The following CYRIB variants were observed in gnomAD, a reference collection of about 807,000 sequenced individuals.
CYRIB encodes CYFIP-related Rac1 interactor B.
CYRIB carries 8 observed loss-of-function variants against 44.2 expected under a neutral mutation model. The observed-to-expected ratio is 0.18, with a 90% CI of 0.11 to 0.33. The LOEUF is 0.33. Ranked by LOEUF, CYRIB falls within the 10% of genes least tolerant of loss-of-function variation. CYRIB has a pLI of 1.00. For synonymous variants in CYRIB, 131 were observed against 127.2 expected (o/e 1.03, Z -0.20); for missense variants, 185 against 382.8 (o/e 0.48, Z 4.31).
intron 1 of CYRIB, among the ~76,000 whole-genome samples, chr8:129,977,944 T>C (rs2096026305): frequency 6.6e-6 from 1 of 152,224 alleles, no homozygotes; most frequent in African/African-American, 2.4e-5. Context: ...AATCTTGCTC[T>C]GTCACCTAGG....
At chr8:129,873,878 CA>C (rs2058230004) in intron 3 of CYRIB, among the ~76,000 whole-genome samples, 1 of 151,920 alleles carries the variant, frequency 6.6e-6, no homozygotes, top group African/African-American at 2.4e-5. Context: ...CCCAGCACCA[CA>C]ATGATTAAAC....
intron 1 of CYRIB, among the ~76,000 whole-genome samples, chr8:129,915,640 C>T (rs2080355656): frequency 6.6e-6 from 1 of 152,108 alleles, no homozygotes; most frequent in South Asian, 2.1e-4. Context: ...GTGATGGTTT[C>T]ATAGGTGATT....
intron 1 of CYRIB, among the ~76,000 whole-genome samples, chr8:130,006,359 T>C (rs2097062710): frequency 6.6e-6 from 1 of 150,756 alleles, no homozygotes; most frequent in East Asian, 2.0e-4. Context: ...TGTGCACCTA[T>C]AGTCCCATCT....
intron 1 of CYRIB, among the ~76,000 whole-genome samples, chr8:129,993,696 CAAA>C (rs901947850): frequency 7.7e-6 from 1 of 129,614 alleles, no homozygotes. Context: ...AACTCTCTCT[CAAA>C]AAAAAAAAAA....
intron 2 of CYRIB, among the ~76,000 whole-genome samples, chr8:129,948,135 G>A (rs982814318): frequency 2.6e-5 from 4 of 152,222 alleles, no homozygotes; most frequent in Non-Finnish European, 5.9e-5. Flanking sequence ...TTTGCAGCCG[G>A]AAAAGCTGAT....
chr8:129,954,309 G>A lies in CYRIB; in HGVS notation c.-243+16634C>T, dbSNP rs1167024305. ...ATCATCTTAGCTCACTGCAACTTCC[G>A]CTTCCCAGGTTCAAGCGATTCTCCT... On this transcript the variant is annotated intron_variant, in intron 2 of 14. Transcript: ENST00000401979. Among the ~76,000 whole-genome samples, 8 of 152,050 alleles carry A rather than the reference G, an allele frequency of 5.3e-5. No individual in the cohort carries two copies. The Middle Eastern group carries it at 0.01, about 194-fold the overall frequency.
chr8:129,926,140 G>A (rs562455703), intron 1 of CYRIB, among the ~76,000 whole-genome samples: 1 of 152,222 alleles, frequency 6.6e-6, no homozygotes, highest in African/African-American at 2.4e-5. Context: ...ACCCATTTTA[G>A]CACCTTATTT....
chr8:129,894,186 A>G (rs2066774231), intron 2 of CYRIB, among the ~76,000 whole-genome samples: 2 of 152,206 alleles, frequency 1.3e-5, no homozygotes, highest in Admixed American at 1.3e-4. Flanking sequence ...CCTATAGGAC[A>G]GCTGTCTGAA....
At chr8:130,014,146 A>G (rs904900834) in intron 1 of CYRIB, among the ~76,000 whole-genome samples, 1 of 152,188 alleles carries the variant, frequency 6.6e-6, no homozygotes, top group Non-Finnish European at 1.5e-5. Context: ...TCAGTCATTA[A>G]AAATGAATCT....
upstream of CYRIB, chr8:129,940,051 C>A (rs918506834): frequency 6.6e-6 from 1 of 152,284 alleles, no homozygotes; most frequent in African/African-American, 2.4e-5. Flanking sequence ...GCACCCCGGC[C>A]TCCTTAAAGG....
intron 1 of CYRIB, among the ~76,000 whole-genome samples, chr8:129,982,116 A>C (rs1241893722): frequency 1.3e-5 from 2 of 151,914 alleles, no homozygotes; most frequent in Non-Finnish European, 2.9e-5. Flanking sequence ...GTCCTGGAAA[A>C]CCCCTCAACC....
Position 129,968,945 on chromosome 8 carries a change from T to A in CYRIB, c.-243+1998A>T, listed in dbSNP as rs191739932. Among the ~76,000 whole-genome samples, 222 of 150,866 alleles carry A rather than the reference T, an allele frequency of 1.5e-3. 2 individuals are homozygous for A. Among genetic ancestry groups the A allele is most frequent in the African/African-American group, 5.1e-3 (210 of 41,126 alleles). On this transcript the variant is annotated intron_variant, in intron 2 of 14. Coordinates refer to the CYRIB transcript ENST00000401979. Reference sequence around the variant, plus strand: ...ACTTTGGCCCTCAGGCTCTATAGCTTCTGTGCAAAAGCCCCAGGAGTAGTC... The same window carrying A: ...ACTTTGGCCCTCAGGCTCTATAGCTACTGTGCAAAAGCCCCAGGAGTAGTC...
chr8:129,953,293 A>G (rs1016824015), intron 2 of CYRIB, among the ~76,000 whole-genome samples: 1 of 152,126 alleles, frequency 6.6e-6, no homozygotes, highest in African/African-American at 2.4e-5. Context: ...CCAGGGAAGG[A>G]CTTGTCCTGC....
chr8:130,010,144 G>A (rs1190008911), intron 1 of CYRIB, among the ~76,000 whole-genome samples: 3 of 152,214 alleles, frequency 2.0e-5, no homozygotes, highest in Non-Finnish European at 2.9e-5. Context: ...CTCTGGCATG[G>A]TTTATGTTGA....
At chr8:129,927,049 G>A (rs1590042543) in intron 1 of CYRIB, among the ~76,000 whole-genome samples, 1 of 152,240 alleles carries the variant, frequency 6.6e-6, no homozygotes, top group South Asian at 2.1e-4. Context: ...TTGGGAGGCC[G>A]AGGTGGGCAG....
At chr8:129,868,058 T>C (rs1471510013) in intron 4 of CYRIB, among the ~76,000 whole-genome samples, 2 of 152,216 alleles carry the variant, frequency 1.3e-5, no homozygotes, top group Non-Finnish European at 1.5e-5. Flanking sequence ...ATAGGTAGAA[T>C]AGTTGGCTGC....
chr8:129,937,107 C>A (rs2092952660), intron 1 of CYRIB, among the ~76,000 whole-genome samples: 1 of 152,206 alleles, frequency 6.6e-6, no homozygotes, highest in African/African-American at 2.4e-5. Flanking sequence ...AATGCTGTTA[C>A]AGTCTAAGAT....
chr8:129,889,502 C>T (rs1006026534), intron 2 of CYRIB, among the ~76,000 whole-genome samples: 2 of 152,088 alleles, frequency 1.3e-5, no homozygotes, highest in Admixed American at 1.3e-4. Flanking sequence ...TGAAAGCCTT[C>T]TGGAAAGGAT....
chr8:129,865,724 T>C (rs2053164181), intron 4 of CYRIB, among the ~76,000 whole-genome samples: 1 of 152,218 alleles, frequency 6.6e-6, no homozygotes, highest in African/African-American at 2.4e-5. Flanking sequence ...AATCAATGGA[T>C]AGTAGTCAGT....
Sources: gnomAD v4.1 joint callset for allele counts (sites outside exome capture counted in the v4.1 genomes callset) on GRCh38, gnomAD v4.1.1 for gene constraint, MANE v1.5 for transcripts, NCBI Gene and HGNC (gene_info 2026-07-23, HGNC 2026-07-21) for gene names.